VTI1A: variants seen among roughly 807,000 people sequenced by gnomAD.
The protein encoded by VTI1A is vesicle transport through interaction with t-SNAREs 1A.
In VTI1A, 22 loss-of-function variants were observed where a neutral mutation model predicts 34.9. That is an observed-to-expected ratio of 0.63 (90% CI 0.45 to 0.90). The LOEUF (loss-of-function observed/expected upper bound fraction) is 0.90. Among genes scored for constraint, VTI1A ranks in the 40% least tolerant of loss-of-function variants. VTI1A has a pLI of 0.00. For synonymous variants in VTI1A, 87 were observed against 97.3 expected, an observed-to-expected ratio of 0.89 and a Z score of 0.62; for missense variants, 268 against 275.6, an observed-to-expected ratio of 0.97 and a Z score of 0.20.
At chr10:112,801,503 G>C (rs913369362) in intron 7 of VTI1A, among the ~76,000 whole-genome samples, 1 of 152,158 alleles carries the variant, frequency 6.6e-6, no homozygotes, top group African/African-American at 2.4e-5. Flanking sequence ...TCAAGGACCC[G>C]TAGTCCTTTC....
At chr10:112,512,261 A>G (rs1220683633) in intron 3 of VTI1A, among the ~76,000 whole-genome samples, 2 of 152,078 alleles carry the variant, frequency 1.3e-5, no homozygotes, top group Non-Finnish European at 2.9e-5. Flanking sequence ...GGGTAAGAGA[A>G]TATTTCATTG....
intron 2 of VTI1A, 127 bp downstream of exon 2, chr10:112,460,709 T>A (rs1847702272): frequency 2.9e-6 from 2 of 684,060 alleles, no homozygotes; most frequent in Admixed American, 8.3e-5. Context: ...AATTCAGAAT[T>A]TGTCAATTTT....
At chr10:112,566,629 T>G (rs543036158) in intron 5 of VTI1A, among the ~76,000 whole-genome samples, 2 of 152,272 alleles carry the variant, frequency 1.3e-5, no homozygotes, top group South Asian at 4.1e-4. Flanking sequence ...ACTATAATAA[T>G]AGTAGAGAAA....
chr10:112,787,962 A>C (rs892883553), intron 7 of VTI1A, among the ~76,000 whole-genome samples: 1 of 151,664 alleles, frequency 6.6e-6, no homozygotes, highest in African/African-American at 2.4e-5. Context: ...TCGGCCTCCC[A>C]AAGTGCTGGA....
At chr10:112,656,854 G>C (rs1205078288) in intron 5 of VTI1A, among the ~76,000 whole-genome samples, 1 of 152,082 alleles carries the variant, frequency 6.6e-6, no homozygotes, top group African/African-American at 2.4e-5. Context: ...GGTGGGCCCT[G>C]GTGGGAGGTG....
At chr10:112,521,501 G>A (rs1430262944) in intron 3 of VTI1A, among the ~76,000 whole-genome samples, 1 of 152,038 alleles carries the variant, frequency 6.6e-6, no homozygotes, top group Non-Finnish European at 1.5e-5. Context: ...TATACAAGGT[G>A]TTAGGGTAGG....
chr10:112,531,057 CACACCTCACACACA>C (rs1850407091), intron 4 of VTI1A, among the ~76,000 whole-genome samples: 1 of 112,672 alleles, frequency 8.9e-6, no homozygotes, highest in African/African-American at 3.3e-5. Context: ...GGTCACGTGA[CACACCTCACACACA>C]CACACACACA....
rs779424975 is a variant in VTI1A, at chr10:112,652,726, C to CAAAAAAAAAAAAAAA, written c.428-15479_428-15478insAAAAAAAAAAAAAAA. 4.9e-4 allele frequency among the ~76,000 whole-genome samples: 52 copies of CAAAAAAAAAAAAAAA among 106,346 alleles called. 1 individual carries two copies. The highest frequency in any genetic ancestry group is 1.5e-3 in the East Asian group (5 of 3,348). 69.8% of individuals were successfully genotyped at this position (106,346 alleles called of 152,430 possible). ...TGGGCAACAGAGTGAGACCTTGTCT[C>CAAAAAAAAAAAAAAA]AAAAAAAAAAAAATGGAAAGAAGGA... On this transcript the variant is annotated intron_variant, in intron 5 of 7. Coordinates refer to ENST00000393077, the MANE Select transcript of VTI1A (RefSeq NM_145206.4).
At chr10:112,649,829 G>A (rs1190706034) in intron 5 of VTI1A, among the ~76,000 whole-genome samples, 2 of 152,110 alleles carry the variant, frequency 1.3e-5, no homozygotes, top group Non-Finnish European at 2.9e-5. Flanking sequence ...ACTATGGTAA[G>A]GACTTGTATA....
At chr10:112,840,354 G>A in the VTI1A span, among the ~76,000 whole-genome samples, 1 of 152,042 alleles carries the variant, frequency 6.6e-6, no homozygotes, top group South Asian at 2.1e-4. Context: ...CCACCCACGA[G>A]TCCCCCAACC....
chr10:112,747,883 T>G (rs1850954935), intron 7 of VTI1A, among the ~76,000 whole-genome samples: 1 of 152,168 alleles, frequency 6.6e-6, no homozygotes. Flanking sequence ...TTTCCAGGGT[T>G]GGCAGCCACA....
chr10:112,823,202 C>T (rs1400778394), downstream of VTI1A, among the ~76,000 whole-genome samples: 2 of 152,212 alleles, frequency 1.3e-5, no homozygotes, highest in Non-Finnish European at 2.9e-5. Flanking sequence ...CTGACACTTG[C>T]CTGCAGGTGG....
At chr10:112,586,390 G>A (rs1419568951) in intron 5 of VTI1A, among the ~76,000 whole-genome samples, 5 of 152,186 alleles carry the variant, frequency 3.3e-5, no homozygotes, top group African/African-American at 1.2e-4. Flanking sequence ...ATGGTGCGAA[G>A]TGGGCGTTTT....
chr10:112,790,331 C>T (rs1003317481), intron 7 of VTI1A, among the ~76,000 whole-genome samples: 4 of 152,198 alleles, frequency 2.6e-5, no homozygotes, highest in Non-Finnish European at 4.4e-5. Context: ...GCTTTGGCTT[C>T]TCACTGGTGT....
intron 5 of VTI1A, among the ~76,000 whole-genome samples, chr10:112,545,272 T>C (rs1018515077): frequency 2.6e-5 from 4 of 152,246 alleles, no homozygotes; most frequent in Non-Finnish European, 5.9e-5. Context: ...TGGAGACTTA[T>C]TAATCTTTGT....
chr10:112,828,692 A>G, the VTI1A span, among the ~76,000 whole-genome samples: 5 of 151,794 alleles, frequency 3.3e-5, no homozygotes, highest in Non-Finnish European at 2.9e-5. Context: ...GGCATGAGCC[A>G]CCCACCCGGC....
chr10:112,507,820 T>C (rs1589842475), intron 3 of VTI1A, among the ~76,000 whole-genome samples: 1 of 152,216 alleles, frequency 6.6e-6, no homozygotes, highest in Non-Finnish European at 1.5e-5. Flanking sequence ...GTGCCAGGTC[T>C]AATGCAGCCC....
chr10:112,846,764 T>G, the VTI1A span, among the ~76,000 whole-genome samples: 2 of 120,166 alleles, frequency 1.7e-5, no homozygotes, highest in Non-Finnish European at 3.4e-5. Context: ...AGACTCCGTC[T>G]CAAAAAAAAA....
chr10:112,642,981 T>TC lies in VTI1A; in HGVS notation c.428-25237_428-25236insC, dbSNP rs910677607. 2.4e-4 allele frequency among the ~76,000 whole-genome samples: 35 copies of TC among 147,348 alleles called. No individual in the cohort carries two copies. In the East Asian group the frequency reaches 3.5e-3, roughly 15 times the overall value. Reference sequence around the variant, plus strand: ...ATGTTTTCTTTTTTTTCTTTTCTTTTTTTTTTTTTTTTTGTTTTTAAGACA... The same window carrying TC: ...ATGTTTTCTTTTTTTTCTTTTCTTTTCTTTTTTTTTTTTTGTTTTTAAGACA... On this transcript the variant is annotated intron_variant, in intron 5 of 7. Coordinates refer to ENST00000393077, the MANE Select transcript of VTI1A (RefSeq NM_145206.4).
Sources: allele counts gnomAD v4.1 joint callset (sites outside exome capture counted in the v4.1 genomes callset), GRCh38; gene constraint gnomAD v4.1.1; transcripts MANE v1.5; gene names NCBI Gene and HGNC (gene_info 2026-07-23, HGNC 2026-07-21).